The following KCNK10 variants were observed in gnomAD, a reference collection of about 807,000 sequenced individuals.
KCNK10 encodes the protein potassium channel subfamily K member 10.
In KCNK10, 25 loss-of-function variants were observed where a neutral mutation model predicts 47.7. The observed-to-expected ratio is 0.52, with a 90% confidence interval of 0.38 to 0.73. The LOEUF is 0.73. Among genes scored for constraint, KCNK10 ranks in the 30% least tolerant of loss-of-function variants. KCNK10 has a pLI of 0.00. For synonymous variants in KCNK10, 303 were observed against 285.6 expected (o/e 1.06, Z -0.61); for missense variants, 563 against 714.5 (o/e 0.79, Z 2.42).
intron 3 of KCNK10, among the ~76,000 whole-genome samples, chr14:88,228,902 T>A (rs902869054): frequency 6.6e-6 from 1 of 152,190 alleles, no homozygotes; most frequent in Admixed American, 6.5e-5. Flanking sequence ...CTCTCAGAAC[T>A]TTTTTCAGGT....
chr14:88,266,578 A>AGTGGTG (rs971446748), intron 1 of KCNK10, among the ~76,000 whole-genome samples: 1 of 152,078 alleles, frequency 6.6e-6, no homozygotes, highest in Non-Finnish European at 1.5e-5. Flanking sequence ...GTTGTTTTCC[A>AGTGGTG]GTGGTGGTGG....
intron 1 of KCNK10, among the ~76,000 whole-genome samples, chr14:88,290,947 G>A (rs1363026150): frequency 6.6e-6 from 1 of 152,232 alleles, no homozygotes; most frequent in African/African-American, 2.4e-5. Flanking sequence ...AAACAGGCAG[G>A]GAGGTATTCA....
rs58562095 is a variant in KCNK10 at position 88,220,416 on chromosome 14, C to CAAAAAA, written c.681+6953_681+6958dup. On this transcript the variant is annotated intron_variant, in intron 4 of 6. Coordinates refer to ENST00000319231, the MANE Select transcript of KCNK10 (RefSeq NM_138317.3). ...TGGGCGACAGAGCGAGACTCCGTCT[C>CAAAAAA]AAAAAAAAAAAAAAAAAAAAAAAAA... 1.4e-3 allele frequency among the ~76,000 whole-genome samples: 43 copies of CAAAAAA among 30,164 alleles called. 4 individuals are homozygous for CAAAAAA. Among genetic ancestry groups the CAAAAAA allele is most frequent in the African/African-American group, 1.8e-3 (12 of 6,778 alleles). 19.8% of individuals were successfully genotyped at this position (30,164 alleles called of 152,430 possible).
upstream of KCNK10, chr14:88,323,680 G>C (rs1329704247): frequency 1.3e-5 from 2 of 151,478 alleles, no homozygotes; most frequent in Admixed American, 6.6e-5. Context: ...GCGTGGAGGC[G>C]GCAGCGGCGC....
intron 2 of KCNK10, among the ~76,000 whole-genome samples, chr14:88,255,708 C>A (rs1490391216): frequency 6.6e-6 from 1 of 151,778 alleles, no homozygotes; most frequent in African/African-American, 2.4e-5. Context: ...AGATAACCTG[C>A]TCACTCTGAG....
chr14:88,278,270 A>G (rs1222181094), intron 1 of KCNK10, among the ~76,000 whole-genome samples: 2 of 152,150 alleles, frequency 1.3e-5, no homozygotes, highest in Non-Finnish European at 2.9e-5. Flanking sequence ...CTTCAGTATC[A>G]TTTTCAAGGA....
At chr14:88,324,259 C>T (rs992901097), upstream of KCNK10, among the ~76,000 whole-genome samples, 2 of 152,220 alleles carry the variant, frequency 1.3e-5, no homozygotes, top group African/African-American at 4.8e-5. Context: ...GCTTGAAGCC[C>T]CACAGGGGTT....
At chr14:88,308,069 G>A (rs1302183522) in intron 1 of KCNK10, among the ~76,000 whole-genome samples, 2 of 152,148 alleles carry the variant, frequency 1.3e-5, no homozygotes, top group African/African-American at 2.4e-5. Flanking sequence ...GGGCACACCT[G>A]AGCTCTTGCT....
chr14:88,296,483 T>C (rs1283493912), intron 1 of KCNK10, among the ~76,000 whole-genome samples: 1 of 147,194 alleles, frequency 6.8e-6, no homozygotes, highest in East Asian at 2.4e-4. Context: ...TTTACCATCA[T>C]TAGGTATACA....
At chr14:88,323,898 C>T (rs1888608535), upstream of KCNK10, among the ~76,000 whole-genome samples, 1 of 152,192 alleles carries the variant, frequency 6.6e-6, no homozygotes, top group Non-Finnish European at 1.5e-5. Flanking sequence ...CCCGAACCCA[C>T]GTCCCCGCCG....
intron 1 of KCNK10, among the ~76,000 whole-genome samples, chr14:88,291,073 C>A (rs1887865878): frequency 6.6e-6 from 1 of 152,222 alleles, no homozygotes; most frequent in Non-Finnish European, 1.5e-5. Context: ...CTTGTACAAA[C>A]TATTGCTTTC....
intron 1 of KCNK10, among the ~76,000 whole-genome samples, chr14:88,306,467 G>A (rs1056871530): frequency 5.3e-5 from 8 of 152,156 alleles, no homozygotes; most frequent in Admixed American, 3.3e-4. Context: ...TAATTTTGGG[G>A]AAATGTGGGG....
At chr14:88,239,499 A>G (rs1886391054) in intron 3 of KCNK10, among the ~76,000 whole-genome samples, 1 of 152,230 alleles carries the variant, frequency 6.6e-6, no homozygotes, top group South Asian at 2.1e-4. Flanking sequence ...CACCCGTTAT[A>G]GGGATCGAAT....
intron 4 of KCNK10, among the ~76,000 whole-genome samples, chr14:88,217,619 A>G (rs1328078934): frequency 6.6e-6 from 1 of 152,120 alleles, no homozygotes; most frequent in Non-Finnish European, 1.5e-5. Flanking sequence ...CAGTGATGTG[A>G]TCCTAGCTTA....
intron 1 of KCNK10, among the ~76,000 whole-genome samples, chr14:88,291,965 G>A (rs1368885656): frequency 2.0e-5 from 3 of 152,208 alleles, no homozygotes; most frequent in Non-Finnish European, 4.4e-5. Flanking sequence ...GTACACTCAA[G>A]GCAGAAGCTG....
chr14:88,321,281 G>A (rs1409341887), intron 1 of KCNK10, among the ~76,000 whole-genome samples: 1 of 152,124 alleles, frequency 6.6e-6, no homozygotes, highest in African/African-American at 2.4e-5. Context: ...AAGTCCAAGT[G>A]TCATGTCCTC....
At chr14:88,239,788 G>A (rs1405322894) in intron 3 of KCNK10, among the ~76,000 whole-genome samples, 1 of 152,070 alleles carries the variant, frequency 6.6e-6, no homozygotes, top group Non-Finnish European at 1.5e-5. Flanking sequence ...GAACCCGTGA[G>A]GCGGAGGTTG....
In KCNK10 at chr14:88,295,000, C is replaced by A. The variant is rs545953611; in HGVS notation, c.52+27747G>T. Reference sequence around the variant, plus strand: ...CATCTATTTGTTCTTATACTGGAAACTCTAAAAGACAGAAAACGAGACTTT... The same window carrying A: ...CATCTATTTGTTCTTATACTGGAAAATCTAAAAGACAGAAAACGAGACTTT... On this transcript the variant is annotated intron_variant, in intron 1 of 6. Coordinates refer to ENST00000319231, the MANE Select transcript of KCNK10 (RefSeq NM_138317.3). 6.6e-5 allele frequency among the ~76,000 whole-genome samples: 10 copies of A among 152,282 alleles called. No homozygotes were observed. The Middle Eastern group carries it at 0.01, about 155-fold the overall frequency.
chr14:88,204,104 T>C (rs1885188646), intron 4 of KCNK10, among the ~76,000 whole-genome samples: 2 of 152,178 alleles, frequency 1.3e-5, no homozygotes, highest in Admixed American at 1.3e-4. Flanking sequence ...ACAGTGACCA[T>C]GTATACTCTT....
Sources: gnomAD v4.1 joint callset for allele counts (sites outside exome capture counted in the v4.1 genomes callset) on GRCh38, gnomAD v4.1.1 for gene constraint, MANE v1.5 for transcripts, NCBI Gene and HGNC (gene_info 2026-07-23, HGNC 2026-07-21) for gene names.